CNOT10: variants seen among roughly 807,000 people sequenced by gnomAD.
CNOT10 encodes the protein CCR4-NOT transcription complex, subunit 10.
Under a neutral mutation model 94.6 loss-of-function variants are expected in CNOT10, and 30 were observed. That is an observed-to-expected ratio of 0.32 (90% CI 0.24 to 0.43). The LOEUF is 0.43. CNOT10 is among the 20% of genes least tolerant of loss of function. CNOT10 has a pLI of 1.00. For missense variants in CNOT10, 759 were observed against 877.2 expected (o/e 0.87, Z 1.70); for synonymous variants, 289 against 301.6 (o/e 0.96, Z 0.43).
intron 3 of CNOT10, among the ~76,000 whole-genome samples, chr3:32,705,864 A>G (rs1198667100): frequency 6.6e-6 from 1 of 152,184 alleles, no homozygotes; most frequent in Non-Finnish European, 1.5e-5. Context: ...CTTTATAGGC[A>G]TAAAGTAATT....
chr3:32,700,330 G>A (rs772790438), intron 1 of CNOT10, among the ~76,000 whole-genome samples: 13 of 152,186 alleles, frequency 8.5e-5, no homozygotes, highest in African/African-American at 1.2e-4. Context: ...TGGAAGGGAT[G>A]CTAAAAACTA....
chr3:32,766,035 C>G lies in CNOT10; in HGVS notation c.2004+1226C>G, dbSNP rs144782988. On this transcript the variant is annotated intron_variant, in intron 17 of 18. Transcript: ENST00000328834. ...TTTTTTTTTTTTTGAGACGGAGTTTCGCTCTTGTTGCCCAGACTGGAGTGC... is the reference window on the plus strand; with the variant it reads ...TTTTTTTTTTTTTGAGACGGAGTTTGGCTCTTGTTGCCCAGACTGGAGTGC... Among the ~76,000 whole-genome samples the G allele has an allele frequency of 2.3e-4, 8 of 35,396 alleles. 4 individuals are homozygous for G. The highest frequency in any genetic ancestry group is 8.5e-4 in the Admixed American group (2 of 2,362). 23.2% of individuals were successfully genotyped at this position (35,396 alleles called of 152,430 possible).
In CNOT10 at chr3:32,713,268, C is replaced by T. The variant is rs371469964; in HGVS notation, c.472C>T (p.Leu158=). 27 of 1,589,628 alleles carry T rather than the reference C, an allele frequency of 1.7e-5. No homozygotes were observed. Among genetic ancestry groups the T allele is most frequent in the Non-Finnish European group, 1.3e-5 (15 of 1,173,896 alleles). The stretch of plus-strand genomic sequence containing the variant: ...AGCAGTGTGTTTTTTGCTTGTAGAC[C>T]TGTATATATTAACCTACCAAGCTGA... ...AQAVCFLLVD[L]YILTYQAEKA... is the part of the protein sequence containing the mutation. Residue 158 remains leucine (L), a synonymous_variant, in exon 5 of 19, where the codon CTG becomes TTG. Coordinates refer to ENST00000328834, the MANE Select transcript of CNOT10 (RefSeq NM_015442.3).
Position 32,727,763 on chromosome 3 carries a change from A to G in CNOT10, c.1108A>G (p.Arg370Gly). The change falls in exon 10 of 19, where the codon AGG (arginine) becomes GGG (glycine). Residue 370 changes from arginine to glycine, a missense_variant. Around this residue, in one of 3 missense-constraint regions of CNOT10, gnomAD observed 682 missense variants for 799.4 expected, o/e 0.85. Coordinates refer to ENST00000328834, the MANE Select transcript of CNOT10 (RefSeq NM_015442.3). ...TGGAATTCAGCTTCTTCACATTGGA[A>G]GGCCTCTTGCTGCCTTCGAATGTCT... ...NCGIQLLHIGRPLAAFECLIE... is the reference protein window; with the variant it reads ...NCGIQLLHIGGPLAAFECLIE... 1.9e-6 allele frequency: 3 copies of G among 1,614,032 alleles called. No homozygotes were observed. The highest frequency in any genetic ancestry group is 1.6e-4 in the Middle Eastern group (1 of 6,062).
intron 13 of CNOT10, among the ~76,000 whole-genome samples, chr3:32,754,476 C>CAA (rs1553637886): frequency 0.045 from 1,622 of 36,212 alleles, 60 homozygotes; most frequent in Non-Finnish European, 0.052. Flanking sequence ...GACTCCGTCT[C>CAA]AAAAAAAAAA....
At chr3:32,754,476 CAAA>C (rs1553637886) in intron 13 of CNOT10, among the ~76,000 whole-genome samples, 7,612 of 36,196 alleles carry the variant, frequency 0.21, 878 homozygotes, top group South Asian at 0.34. Context: ...GACTCCGTCT[CAAA>C]AAAAAAAAAA....
In CNOT10 at chr3:32,737,450, C is replaced by T; in HGVS notation, c.1555C>T (p.Pro519Ser). Reference protein sequence around the residue: ...HDGDKFIPAPPSSPLRKQELE... With the variant: ...HDGDKFIPAPSSSPLRKQELE... ...TGGAGATAAATTCATTCCAGCTCCA[C>T]CTTCTTCTCCATTGAGAAAACAGGA... is the stretch of plus-strand genomic sequence containing the variant. The change falls in exon 13 of 19, where the codon CCT becomes TCT. Residue 519 changes from proline (P) to serine (S), a missense_variant. Coordinates refer to ENST00000328834, the MANE Select transcript of CNOT10 (RefSeq NM_015442.3). The T allele has an allele frequency of 6.2e-7, 1 of 1,612,028 alleles. No homozygotes were observed. The highest frequency in any genetic ancestry group is 8.5e-7 in the Non-Finnish European group (1 of 1,178,308).
intron 12 of CNOT10, among the ~76,000 whole-genome samples, chr3:32,736,646 G>A (rs1699201211): frequency 6.6e-6 from 1 of 152,054 alleles, no homozygotes; most frequent in Non-Finnish European, 1.5e-5. Context: ...GTGGTGCCAG[G>A]CACCATTAGT....
intron 1 of CNOT10, among the ~76,000 whole-genome samples, chr3:32,690,581 C>T (rs994428170): frequency 1.1e-4 from 16 of 151,504 alleles, no homozygotes; most frequent in Non-Finnish European, 2.9e-5. Context: ...GAGTCTCGCT[C>T]TGTTGCCCAG....
intron 13 of CNOT10, among the ~76,000 whole-genome samples, chr3:32,757,334 C>T (rs1017038744): frequency 2.0e-5 from 3 of 151,756 alleles, no homozygotes; most frequent in Non-Finnish European, 4.4e-5. Flanking sequence ...CATGCGCCAC[C>T]ACACCCAGCC....
chr3:32,703,732 T>C, intron 1 of CNOT10, 136 bp from the exon 2 acceptor site: 1 of 619,376 alleles, frequency 1.6e-6, no homozygotes, highest in Non-Finnish European at 2.9e-6. Flanking sequence ...TAAGAACTGC[T>C]TATTTCTGGA....
chr3:32,725,649 T>G, intron 9 of CNOT10, 50 bp downstream of exon 9: 1 of 1,523,972 alleles, frequency 6.6e-7, no homozygotes, highest in Non-Finnish European at 8.9e-7. Flanking sequence ...CAGAAAAGCA[T>G]GATTTAAAAA....
chr3:32,725,139 G>A (rs1698608980), intron 8 of CNOT10, among the ~76,000 whole-genome samples: 1 of 152,114 alleles, frequency 6.6e-6, no homozygotes, highest in Non-Finnish European at 1.5e-5. Context: ...TTCGAAACCA[G>A]GGTAGGCAAT....
intron 18 of CNOT10, among the ~76,000 whole-genome samples, chr3:32,772,641 G>C (rs537582392): frequency 9.2e-5 from 14 of 152,254 alleles, no homozygotes; most frequent in Non-Finnish European, 1.6e-4. Context: ...AGGTTGCAGT[G>C]AGCCGTAATC....
At chr3:32,731,323 A>G (rs774674696) in intron 10 of CNOT10, among the ~76,000 whole-genome samples, 9 of 152,176 alleles carry the variant, frequency 5.9e-5, no homozygotes, top group Non-Finnish European at 1.3e-4. Context: ...GTACAGAAAC[A>G]TTTGTGTTTA....
At chr3:32,686,066 A>G (rs1192513678) in intron 1 of CNOT10, among the ~76,000 whole-genome samples, 3 of 152,192 alleles carry the variant, frequency 2.0e-5, no homozygotes, top group African/African-American at 7.2e-5. Flanking sequence ...AAAAAGGCAT[A>G]AAATCCTATT....
At chr3:32,703,832 T>G (rs762123379) in intron 1 of CNOT10, 36 bp from the exon 2 acceptor site, 3 of 1,497,524 alleles carry the variant, frequency 2.0e-6, no homozygotes. Flanking sequence ...GTACAACTTT[T>G]ATTTCTAAAG....
At chr3:32,739,955 G>C (rs1234182721) in intron 13 of CNOT10, among the ~76,000 whole-genome samples, 1 of 152,110 alleles carries the variant, frequency 6.6e-6, no homozygotes, top group African/African-American at 2.4e-5. Context: ...AATTATCTGG[G>C]CGTGATGTTG....
At chr3:32,736,116 C>G (rs912447739) in intron 12 of CNOT10, among the ~76,000 whole-genome samples, 1 of 151,910 alleles carries the variant, frequency 6.6e-6, no homozygotes, top group Non-Finnish European at 1.5e-5. Context: ...GACAGAGTCT[C>G]CCTCTGTCAC....
Sources: allele counts gnomAD v4.1 joint callset (sites outside exome capture counted in the v4.1 genomes callset), GRCh38; gene constraint gnomAD v4.1.1; regional missense constraint gnomAD v4.1.1; transcripts MANE v1.5; gene names NCBI Gene and HGNC (gene_info 2026-07-23, HGNC 2026-07-21).